The following ARID2 variants were observed in gnomAD, a reference collection of about 807,000 sequenced individuals.
ARID2 encodes AT-rich interactive domain-containing protein 2.
ARID2 carries 32 observed loss-of-function variants against 184.6 expected under a neutral mutation model. That is an observed-to-expected ratio of 0.17 (90% CI 0.13 to 0.23). The LOEUF (loss-of-function observed/expected upper bound fraction) is 0.23. Ranked by LOEUF, ARID2 falls within the 10% of genes least tolerant of loss-of-function variation. The pLI is 1.00. For synonymous variants in ARID2, 836 were observed against 772.6 expected, an observed-to-expected ratio of 1.08 and a Z score of -1.36; for missense variants, 1,696 against 2,197.6, an observed-to-expected ratio of 0.77 and a Z score of 4.56.
chr12:45,792,172 T>A (rs1019831647), intron 3 of ARID2, among the ~76,000 whole-genome samples: 6 of 152,202 alleles, frequency 3.9e-5, no homozygotes, highest in Non-Finnish European at 5.9e-5. Flanking sequence ...AATATTTTTG[T>A]TTTTGGGACT....
At chr12:45,786,317 C>G (rs1218408627) in intron 3 of ARID2, among the ~76,000 whole-genome samples, 1 of 152,076 alleles carries the variant, frequency 6.6e-6, no homozygotes, top group African/African-American at 2.4e-5. Context: ...TGGATTTATC[C>G]TTATAAGTAT....
intron 16 of ARID2, among the ~76,000 whole-genome samples, chr12:45,888,669 A>AT (rs1369223043): frequency 6.6e-6 from 1 of 152,162 alleles, no homozygotes; most frequent in African/African-American, 2.4e-5. Context: ...TTCCAAATAG[A>AT]TTTATACATA....
chr12:45,730,484 C>T (rs1260480003), intron 2 of ARID2, among the ~76,000 whole-genome samples: 1 of 151,124 alleles, frequency 6.6e-6, no homozygotes, highest in Non-Finnish European at 1.5e-5. Flanking sequence ...CCGCGCCGCC[C>T]GCCCGCTCGC....
At chr12:45,900,753 C>G (rs1416239108) in intron 20 of ARID2, among the ~76,000 whole-genome samples, 1 of 152,188 alleles carries the variant, frequency 6.6e-6, no homozygotes, top group Non-Finnish European at 1.5e-5. Flanking sequence ...TACCCTTACT[C>G]TTGATAGTTG....
chr12:45,815,155 A>T (rs1186593575), intron 4 of ARID2, among the ~76,000 whole-genome samples: 2 of 152,050 alleles, frequency 1.3e-5, no homozygotes, highest in Non-Finnish European at 2.9e-5. Context: ...CGGGTTCCAC[A>T]TTTTTTTCTA....
At chr12:45,903,593 A>T (rs921474964) in intron 20 of ARID2, among the ~76,000 whole-genome samples, 2 of 152,198 alleles carry the variant, frequency 1.3e-5, no homozygotes, top group African/African-American at 4.8e-5. Context: ...ACATGAAAAG[A>T]TGCCCAACTG....
intron 6 of ARID2, among the ~76,000 whole-genome samples, chr12:45,830,538 C>G (rs1943097926): frequency 6.6e-6 from 1 of 152,136 alleles, no homozygotes; most frequent in South Asian, 2.1e-4. Context: ...GAGCTGCATT[C>G]CTAATTCCCC....
intron 3 of ARID2, among the ~76,000 whole-genome samples, chr12:45,742,799 T>C (rs528408526): frequency 6.6e-6 from 1 of 152,352 alleles, no homozygotes. Flanking sequence ...CAGCTGTGTC[T>C]TTAGAGCTAG....
chr12:45,876,956 G>A (rs1187203160), intron 16 of ARID2, among the ~76,000 whole-genome samples: 1 of 151,812 alleles, frequency 6.6e-6, no homozygotes, highest in Non-Finnish European at 1.5e-5. Context: ...ACCAGGCCTG[G>A]TGGTGGGCAC....
intron 3 of ARID2, among the ~76,000 whole-genome samples, chr12:45,736,639 G>A (rs1376231281): frequency 6.6e-6 from 1 of 152,180 alleles, no homozygotes; most frequent in East Asian, 1.9e-4. Flanking sequence ...ATGGGGTTGA[G>A]GGGATTCTCC....
chr12:45,744,661 A>G (rs767373387), intron 3 of ARID2, among the ~76,000 whole-genome samples: 22 of 152,144 alleles, frequency 1.4e-4, no homozygotes, highest in Non-Finnish European at 2.6e-4. Flanking sequence ...AATTTAAATT[A>G]TTGCTTGATT....
intron 20 of ARID2, among the ~76,000 whole-genome samples, chr12:45,901,121 CTCTG>C (rs1944451146): frequency 8.1e-6 from 1 of 123,750 alleles, no homozygotes; most frequent in Admixed American, 8.0e-5. Flanking sequence ...TCTGTTTTCT[CTCTG>C]TTTAATCTAT....
chr12:45,851,578 C>G lies in ARID2; in HGVS notation c.3455C>G (p.Pro1152Arg), dbSNP rs1371181527. Residue 1152 changes from proline to arginine, a missense_variant, in exon 15 of 21, where the codon CCA becomes CGA. Around this residue, in one of 11 missense-constraint regions of ARID2, gnomAD observed 713 missense variants for 824.4 expected, o/e 0.86. Transcript: ENST00000334344. ...TVPISNLQIL[P>R]GPLISNSPAT... ...CCCATTTCGAACTTACAAATATTGC[C>G]AGGTCCACTGATCTCAAATAGCCCA... 1.2e-6 allele frequency: 2 copies of G among 1,614,138 alleles called. No homozygotes were observed. The highest frequency in any genetic ancestry group is 1.7e-6 in the Non-Finnish European group (2 of 1,179,988).
At chr12:45,854,247 ATAATTATTTCAT>A (rs1943605428) in intron 15 of ARID2, among the ~76,000 whole-genome samples, 1 of 152,204 alleles carries the variant, frequency 6.6e-6, no homozygotes, top group African/African-American at 2.4e-5. Flanking sequence ...GGCAAGTTGT[ATAATTATTTCAT>A]TATATATTAC....
intron 15 of ARID2, among the ~76,000 whole-genome samples, chr12:45,860,289 A>T (rs967873874): frequency 4.6e-5 from 7 of 152,354 alleles, no homozygotes; most frequent in Admixed American, 3.9e-4. Context: ...GCTTACTGCA[A>T]ATTAGTTAAT....
At chr12:45,785,107 C>G (rs1442197055) in intron 3 of ARID2, among the ~76,000 whole-genome samples, 1 of 152,314 alleles carries the variant, frequency 6.6e-6, no homozygotes, top group East Asian at 1.9e-4. Flanking sequence ...GCGAAGAAGC[C>G]TCTCTTCTTA....
chr12:45,904,652 T>C (rs1650007), intron 20 of ARID2, among the ~76,000 whole-genome samples: 90,731 of 145,258 alleles, frequency 0.62, 29,938 homozygotes, highest in African/African-American at 0.87. Flanking sequence ...GATTGCGCCA[T>C]TACACTCCAG....
rs1385148260 is a variant in ARID2 at position 45,837,580 on chromosome 12, A to G, written c.1203A>G (p.Arg401=). 1.2e-6 allele frequency: 2 copies of G among 1,613,986 alleles called. No homozygotes were observed. Among genetic ancestry groups the G allele is most frequent in the Non-Finnish European group, 1.7e-6 (2 of 1,180,000 alleles). ...AATATGTGGATCAGGATTCCTACAG[A>G]GAGATCATTTGTCATCTCACTTTAC... ...ICEYVDQDSY[R]EIICHLTLPD... is the part of the protein sequence containing the mutation. Residue 401 remains arginine (R), a synonymous_variant, in exon 10 of 21, where the codon AGA becomes AGG. Coordinates refer to ENST00000334344, the MANE Select transcript of ARID2 (RefSeq NM_152641.4).
At chr12:45,832,838 A>G (rs543226324) in intron 6 of ARID2, among the ~76,000 whole-genome samples, 1 of 152,374 alleles carries the variant, frequency 6.6e-6, no homozygotes, top group Non-Finnish European at 1.5e-5. Flanking sequence ...TGTATTAGGT[A>G]TACTGTATTT....
Sources: gnomAD v4.1 joint callset for allele counts (sites outside exome capture counted in the v4.1 genomes callset) on GRCh38, gnomAD v4.1.1 for gene constraint, gnomAD v4.1.1 regional missense constraint, MANE v1.5 for transcripts, NCBI Gene and HGNC (gene_info 2026-07-23, HGNC 2026-07-21) for gene names.